Variants in LCLAT1 observed in about 807,000 individuals in gnomAD.
LCLAT1 encodes the protein lysocardiolipin acyltransferase 1.
In LCLAT1, 11 loss-of-function variants were observed where a neutral mutation model predicts 30.7. That is an observed-to-expected ratio of 0.36 (90% confidence interval 0.23 to 0.59). The LOEUF is 0.59. Ranked by LOEUF, LCLAT1 falls within the 20% of genes least tolerant of loss-of-function variation. LCLAT1 has a pLI of 0.77. For synonymous variants in LCLAT1, 155 were observed against 151.3 expected (o/e 1.02, Z -0.18); for missense variants, 402 against 458.6 (o/e 0.88, Z 1.13).
chr2:30,590,053 T>C (rs1666622100), intron 5 of LCLAT1, among the ~76,000 whole-genome samples: 1 of 152,180 alleles, frequency 6.6e-6, no homozygotes, highest in Admixed American at 6.5e-5. Context: ...TCTGTCTGCC[T>C]TCAGTGTTGC....
At chr2:30,594,195 A>C (rs1666818584) in intron 5 of LCLAT1, among the ~76,000 whole-genome samples, 1 of 152,074 alleles carries the variant, frequency 6.6e-6, no homozygotes, top group African/African-American at 2.4e-5. Context: ...ATGTTATTCT[A>C]ATAAAAATTT....
chr2:30,594,267 CCTA>C (rs1666822960), intron 5 of LCLAT1, among the ~76,000 whole-genome samples: 1 of 152,056 alleles, frequency 6.6e-6, no homozygotes, highest in African/African-American at 2.4e-5. Context: ...CATATTCAAT[CCTA>C]CTGATTCATA....
intron 1 of LCLAT1, among the ~76,000 whole-genome samples, chr2:30,520,682 A>G (rs919369575): frequency 2.0e-5 from 3 of 152,228 alleles, no homozygotes; most frequent in Non-Finnish European, 2.9e-5. Context: ...TTTAAAAGCT[A>G]TATACATTTT....
Position 30,525,678 on chromosome 2 carries a change from C to G in LCLAT1, c.88C>G (p.Pro30Ala). 1 of 1,613,938 alleles carries G rather than the reference C, an allele frequency of 6.2e-7. No individual in the cohort carries two copies. The highest frequency in any genetic ancestry group is 1.1e-5 in the South Asian group (1 of 91,076). ...GSIFMLSPFL[P>A]LMFVNPSWYR... ...CATTTTCATGCTGAGTCCCTTTTTA[C>G]CTTTGATGTTTGTAAACCCATCTTG... The change falls in exon 2 of 6, where the codon CCT (proline) becomes GCT (alanine). Residue 30 changes from proline to alanine, a missense_variant. Pro to Ala is a conservative substitution (Grantham distance 27, BLOSUM62 -1). Transcript: ENST00000379509.
In LCLAT1 at chr2:30,570,717, G is replaced by A. The variant is rs1665741739; in HGVS notation, c.628+2541G>A. Among the ~76,000 whole-genome samples, 4 of 152,136 alleles carry A rather than the reference G, an allele frequency of 2.6e-5. 1 individual carries two copies. Among genetic ancestry groups the A allele is most frequent in the Admixed American group, 2.6e-4 (4 of 15,262 alleles). ...TAGTGAGCTGGAATATTTTCTTTAA[G>A]AAAGAGTTAAATAGGAAAAGAATTT... On this transcript the variant is annotated intron_variant, in intron 5 of 5. Coordinates refer to ENST00000379509, the MANE Select transcript of LCLAT1 (RefSeq NM_001002257.3).
intron 1 of LCLAT1, among the ~76,000 whole-genome samples, chr2:30,452,236 A>T (rs1321861695): frequency 6.6e-6 from 1 of 152,202 alleles, no homozygotes; most frequent in East Asian, 1.9e-4. Flanking sequence ...CTTTAATAAT[A>T]AAAAAGAGGC....
At chr2:30,485,096 A>T (rs1558468376) in intron 1 of LCLAT1, among the ~76,000 whole-genome samples, 1 of 152,174 alleles carries the variant, frequency 6.6e-6, no homozygotes, top group East Asian at 1.9e-4. Context: ...ACTTAGTGTG[A>T]TCTTTCACCA....
At chr2:30,467,865 A>G (rs1682529496) in intron 1 of LCLAT1, among the ~76,000 whole-genome samples, 2 of 152,182 alleles carry the variant, frequency 1.3e-5, no homozygotes, top group Admixed American at 6.5e-5. Context: ...GTAGATGGCA[A>G]AAATTGTCTC....
At chr2:30,625,571 T>C (rs1668468094) in intron 5 of LCLAT1, among the ~76,000 whole-genome samples, 2 of 152,184 alleles carry the variant, frequency 1.3e-5, no homozygotes, top group Admixed American at 1.3e-4. Flanking sequence ...AAGAAAGAAA[T>C]TGTAGTAAAC....
intron 1 of LCLAT1, among the ~76,000 whole-genome samples, chr2:30,482,008 A>T (rs1394197789): frequency 4.6e-5 from 7 of 152,240 alleles, no homozygotes; most frequent in African/African-American, 1.7e-4. Context: ...CTGAGTATTC[A>T]ATCTGTTAAC....
chr2:30,538,605 A>G (rs928775135), intron 3 of LCLAT1, among the ~76,000 whole-genome samples: 1 of 152,068 alleles, frequency 6.6e-6, no homozygotes, highest in Non-Finnish European at 1.5e-5. Context: ...ACTGCACTGT[A>G]GCGTGGGGTG....
chr2:30,495,686 G>A (rs180745435), intron 1 of LCLAT1, among the ~76,000 whole-genome samples: 1 of 152,220 alleles, frequency 6.6e-6, no homozygotes, highest in East Asian at 1.9e-4. Flanking sequence ...TAAGGGTGGG[G>A]GTGAAAGGGC....
intron 5 of LCLAT1, among the ~76,000 whole-genome samples, chr2:30,623,448 C>G (rs917540703): frequency 6.6e-6 from 1 of 152,046 alleles, no homozygotes; most frequent in Non-Finnish European, 1.5e-5. Flanking sequence ...AATGGACACA[C>G]TTAGAGAAAT....
intron 1 of LCLAT1, among the ~76,000 whole-genome samples, chr2:30,467,508 G>A (rs1165866157): frequency 1.3e-4 from 19 of 149,364 alleles, no homozygotes; most frequent in South Asian, 4.3e-4. Flanking sequence ...TTGAGGAATC[G>A]CCACACTGTC....
chr2:30,581,807 A>C (rs927249737), intron 5 of LCLAT1, among the ~76,000 whole-genome samples: 3 of 152,212 alleles, frequency 2.0e-5, no homozygotes, highest in Non-Finnish European at 2.9e-5. Flanking sequence ...CAGCACAGCT[A>C]GATAGGAAGA....
intron 5 of LCLAT1, among the ~76,000 whole-genome samples, chr2:30,600,013 G>A (rs1290995983): frequency 1.3e-5 from 2 of 152,166 alleles, no homozygotes; most frequent in Admixed American, 1.3e-4. Flanking sequence ...AGTGTCATTG[G>A]TCTGTGTACT....
At chr2:30,524,691 G>A (rs1308785560) in intron 1 of LCLAT1, among the ~76,000 whole-genome samples, 2 of 152,124 alleles carry the variant, frequency 1.3e-5, no homozygotes, top group Non-Finnish European at 2.9e-5. Context: ...AGCAGTTTCG[G>A]TGATCAGATT....
intron 5 of LCLAT1, among the ~76,000 whole-genome samples, chr2:30,627,138 A>G (rs1341321863): frequency 2.0e-5 from 3 of 152,204 alleles, no homozygotes; most frequent in South Asian, 2.1e-4. Context: ...AAGAACAGCA[A>G]AAGTGAGACT....
chr2:30,605,628 A>G (rs946182406), intron 5 of LCLAT1, among the ~76,000 whole-genome samples: 8 of 152,212 alleles, frequency 5.3e-5, no homozygotes, highest in Non-Finnish European at 1.5e-5. Context: ...CATCAGTGAC[A>G]TAATTCTCAC....
Sources: gnomAD v4.1 joint callset for allele counts (sites outside exome capture counted in the v4.1 genomes callset) on GRCh38, gnomAD v4.1.1 for gene constraint, MANE v1.5 for transcripts, NCBI Gene and HGNC (gene_info 2026-07-23, HGNC 2026-07-21) for gene names.